The following SLC9A4 variants were observed in gnomAD, a reference collection of about 807,000 sequenced individuals.
SLC9A4 encodes solute carrier family 9 member A4, also known as sodium/hydrogen exchanger 4.
Under a neutral mutation model 67.4 loss-of-function variants are expected in SLC9A4, and 63 were observed. The observed-to-expected ratio is 0.93, with a 90% CI of 0.76 to 1.15. The LOEUF (loss-of-function observed/expected upper bound fraction) is 1.15. Among genes scored for constraint, SLC9A4 ranks in the 50% most tolerant of loss-of-function variants. SLC9A4 has a pLI of 0.00. For missense variants in SLC9A4, 1,089 were observed against 987.7 expected, an observed-to-expected ratio of 1.10 and a Z score of -1.38; for synonymous variants, 393 against 367.2, an observed-to-expected ratio of 1.07 and a Z score of -0.80.
chr2:102,510,006 C>A (rs1685128047), intron 6 of SLC9A4, among the ~76,000 whole-genome samples: 1 of 97,192 alleles, frequency 1.0e-5, no homozygotes, highest in African/African-American at 3.2e-5. Context: ...AATCATACTT[C>A]CTTTTTTTTT....
chr2:102,473,650 C>A lies in SLC9A4; in HGVS notation c.-110C>A. 1 of 1,360,624 alleles carries A rather than the reference C, an allele frequency of 7.3e-7. No individual in the cohort carries two copies. Among genetic ancestry groups the A allele is most frequent in the Non-Finnish European group, 1.0e-6 (1 of 996,718 alleles). 84.3% of individuals were successfully genotyped at this position (1,360,624 alleles called of 1,614,324 possible). On this transcript the variant is annotated 5_prime_UTR_variant, in exon 1 of 12. Transcript: ENST00000295269. ...TTCTTGGGAGGACCCACAGACTGTA[C>A]CTATATTACTTTTGACCCAGGTGGA...
At position 102,533,643 on chromosome 2, in the gene SLC9A4, CT is replaced by C. The variant is rs1318176717; in HGVS notation, c.*956del. 6 of 109,396 alleles carry C rather than the reference CT, an allele frequency of 5.5e-5. No homozygotes were observed. The highest frequency in any genetic ancestry group is 2.2e-4 in the African/African-American group (6 of 27,726). The allele number at this position is 109,396 out of a possible 1,614,324, so 6.8% of individuals were successfully genotyped here. ...TATCTCCCAATGCTATCCCTCCCCC[CT>C]CCCCCCACCCCACAACAGTCCCCAG... On this transcript the variant is annotated 3_prime_UTR_variant, in exon 12 of 12. Coordinates refer to ENST00000295269, the MANE Select transcript of SLC9A4 (RefSeq NM_001011552.4).
intron 2 of SLC9A4, among the ~76,000 whole-genome samples, chr2:102,487,155 G>C (rs373889111): frequency 1.3e-5 from 2 of 148,768 alleles, no homozygotes; most frequent in African/African-American, 5.1e-5. Context: ...AGGTTTTCAC[G>C]GTGAACTTCT....
chr2:102,492,494 C>A (rs994276212), intron 2 of SLC9A4, among the ~76,000 whole-genome samples: 1 of 152,254 alleles, frequency 6.6e-6, no homozygotes, highest in Non-Finnish European at 1.5e-5. Flanking sequence ...GGAGCTTACA[C>A]CCTCTGAAGC....
chr2:102,484,176 G>T (rs1267255586), intron 2 of SLC9A4, among the ~76,000 whole-genome samples: 2 of 152,064 alleles, frequency 1.3e-5, no homozygotes, highest in East Asian at 3.9e-4. Context: ...GGCAAAGGAG[G>T]TTAAAATAAA....
At chr2:102,491,504 G>T (rs1684699327) in intron 2 of SLC9A4, among the ~76,000 whole-genome samples, 1 of 151,974 alleles carries the variant, frequency 6.6e-6, no homozygotes, top group South Asian at 2.1e-4. Context: ...AGGCAAGAGA[G>T]CATGTACAGG....
chr2:102,512,334 C>T (rs1404564266), intron 7 of SLC9A4, 61 bp downstream of exon 7: 4 of 1,566,230 alleles, frequency 2.6e-6, no homozygotes, highest in African/African-American at 2.7e-5. Flanking sequence ...GGAAGCTGGG[C>T]ATAAAATCAG....
intron 11 of SLC9A4, among the ~76,000 whole-genome samples, chr2:102,529,806 ACTTTT>A (rs926691647): frequency 1.3e-5 from 2 of 152,058 alleles, no homozygotes; most frequent in Non-Finnish European, 2.9e-5. Flanking sequence ...CAGGGTCAGG[ACTTTT>A]CTTGTTCTGG....
chr2:102,521,898 C>T (rs902405815), intron 9 of SLC9A4, among the ~76,000 whole-genome samples: 6 of 152,142 alleles, frequency 3.9e-5, no homozygotes, highest in African/African-American at 1.2e-4. Context: ...TGACTCTGGG[C>T]GACCCTAATG....
intron 1 of SLC9A4, among the ~76,000 whole-genome samples, chr2:102,477,826 A>G (rs950474826): frequency 1.3e-5 from 2 of 152,270 alleles, no homozygotes; most frequent in African/African-American, 2.4e-5. Context: ...TGGGAGACAG[A>G]CTTGGAGAGA....
At chr2:102,506,753 C>G (rs999508152) in intron 4 of SLC9A4, among the ~76,000 whole-genome samples, 1 of 151,928 alleles carries the variant, frequency 6.6e-6, no homozygotes, top group Non-Finnish European at 1.5e-5. Flanking sequence ...GAGCTTTAGC[C>G]GAGCCAAAAA....
At chr2:102,498,364 A>G (rs1684853891) in intron 2 of SLC9A4, among the ~76,000 whole-genome samples, 1 of 152,246 alleles carries the variant, frequency 6.6e-6, no homozygotes, top group African/African-American at 2.4e-5. Context: ...TCCAGAGACA[A>G]GGCTGGCCCA....
At chr2:102,487,300 T>C (rs1220632716) in intron 2 of SLC9A4, among the ~76,000 whole-genome samples, 2 of 151,976 alleles carry the variant, frequency 1.3e-5, no homozygotes, top group Non-Finnish European at 2.9e-5. Context: ...TGGACTTGGC[T>C]GGGGAGGTGG....
intron 10 of SLC9A4, among the ~76,000 whole-genome samples, chr2:102,525,363 C>T (rs1209399480): frequency 6.6e-6 from 1 of 151,980 alleles, no homozygotes; most frequent in African/African-American, 2.4e-5. Context: ...GGCATCTGCC[C>T]ATAGGGTGCT....
chr2:102,513,895 T>G (rs1319923714), intron 7 of SLC9A4, among the ~76,000 whole-genome samples, 195 bp from the exon 8 acceptor site: 2 of 152,260 alleles, frequency 1.3e-5, no homozygotes, highest in African/African-American at 4.8e-5. Flanking sequence ...CCATTCTTTT[T>G]TTTTATTTTA....
At chr2:102,480,802 C>T (rs1684446083) in intron 2 of SLC9A4, among the ~76,000 whole-genome samples, 1 of 152,188 alleles carries the variant, frequency 6.6e-6, no homozygotes, top group South Asian at 2.1e-4. Context: ...ACACCCAACA[C>T]TGGGCAGATG....
intron 1 of SLC9A4, among the ~76,000 whole-genome samples, chr2:102,475,986 C>A (rs1228552823): frequency 2.0e-5 from 3 of 152,148 alleles, no homozygotes; most frequent in African/African-American, 7.2e-5. Context: ...CATCAAGGTA[C>A]ATTTTCTGAG....
At chr2:102,506,751 G>A (rs1413301795) in intron 4 of SLC9A4, among the ~76,000 whole-genome samples, 1 of 152,136 alleles carries the variant, frequency 6.6e-6, no homozygotes, top group Non-Finnish European at 1.5e-5. Flanking sequence ...CAGAGCTTTA[G>A]CCGAGCCAAA....
In SLC9A4 at chr2:102,474,057, A is replaced by G. The variant is rs777226125; in HGVS notation, c.256+42A>G. ...CTGGTTTGGTGAGTTATCTTTTTAC[A>G]TAAGATAGTGAATGTGAAAATGCCT... On this transcript the variant is annotated intron_variant, in intron 1 of 11. Transcript: ENST00000295269. 2.3e-5 allele frequency: 36 copies of G among 1,592,842 alleles called. No homozygotes were observed. The South Asian group carries it at 3.4e-4, about 15-fold the overall frequency.
Sources: allele counts gnomAD v4.1 joint callset (sites outside exome capture counted in the v4.1 genomes callset), GRCh38; gene constraint gnomAD v4.1.1; transcripts MANE v1.5; gene names NCBI Gene and HGNC (gene_info 2026-07-23, HGNC 2026-07-21).